The following PHF24 variants were observed in gnomAD, a reference collection of about 807,000 sequenced individuals.
The protein encoded by PHF24 is PHD finger protein 24, also known as Galpha inhibitory interacting protein.
PHF24 carries 25 observed loss-of-function variants against 42.6 expected under a neutral mutation model. The ratio of observed to expected loss-of-function variants is 0.59; its 90% CI spans 0.43 to 0.82. The LOEUF (loss-of-function observed/expected upper bound fraction) is 0.82. Ranked by LOEUF, PHF24 falls within the 40% of genes least tolerant of loss-of-function variation. PHF24 has a pLI of 0.00. For synonymous variants in PHF24, 185 were observed against 204.8 expected (o/e 0.90, Z 0.83); for missense variants, 470 against 538.1 (o/e 0.87, Z 1.25).
At chr9:34,766,019 A>C in the PHF24 span, among the ~76,000 whole-genome samples, 1 of 152,058 alleles carries the variant, frequency 6.6e-6, no homozygotes, top group South Asian at 2.1e-4. Context: ...AAGAATGTTG[A>C]ATATTGGCCC....
upstream of PHF24, among the ~76,000 whole-genome samples, chr9:34,955,535 G>A (rs897097712): frequency 5.3e-5 from 8 of 152,198 alleles, no homozygotes; most frequent in Non-Finnish European, 2.9e-5. Flanking sequence ...AAATTAGCCA[G>A]GTGTGGTGGC....
chr9:34,931,268 C>T, the PHF24 span, among the ~76,000 whole-genome samples: 33 of 148,646 alleles, frequency 2.2e-4, no homozygotes, highest in Admixed American at 7.5e-4. Context: ...CCCAGCTACT[C>T]GGGAGGCTGA....
the PHF24 span, among the ~76,000 whole-genome samples, chr9:34,806,456 T>C: frequency 2.0e-5 from 3 of 152,204 alleles, no homozygotes; most frequent in Non-Finnish European, 4.4e-5. Flanking sequence ...TTTTGGGGTT[T>C]TTTGTGTGTG....
chr9:34,795,995 G>GA, the PHF24 span, among the ~76,000 whole-genome samples: 105 of 142,256 alleles, frequency 7.4e-4, no homozygotes, highest in East Asian at 1.6e-3. Context: ...GTGAGACCCT[G>GA]AAAAAAAAAA....
chr9:34,964,738 TTC>T (rs1491384158), intron 1 of PHF24, among the ~76,000 whole-genome samples: 1 of 152,180 alleles, frequency 6.6e-6, no homozygotes, highest in Non-Finnish European at 1.5e-5. Flanking sequence ...CTAGACATGC[TTC>T]TCTTACCCAA....
chr9:34,915,925 C>T, the PHF24 span, among the ~76,000 whole-genome samples: 2 of 151,882 alleles, frequency 1.3e-5, no homozygotes, highest in African/African-American at 4.8e-5. Context: ...CCCACACCAC[C>T]CCACCACCAA....
At chr9:34,937,486 C>T in the PHF24 span, among the ~76,000 whole-genome samples, 1 of 152,100 alleles carries the variant, frequency 6.6e-6, no homozygotes, top group Non-Finnish European at 1.5e-5. Flanking sequence ...TCCCTAATCT[C>T]AAGTACCCAG....
the PHF24 span, among the ~76,000 whole-genome samples, chr9:34,784,751 C>T: frequency 6.6e-6 from 1 of 152,136 alleles, no homozygotes. Context: ...GTGCAAATAT[C>T]CTCCTTGTAA....
the PHF24 span, among the ~76,000 whole-genome samples, chr9:34,929,399 A>G: frequency 1.3e-5 from 2 of 152,176 alleles, no homozygotes; most frequent in Admixed American, 6.5e-5. Flanking sequence ...TTATTTGCTT[A>G]TGGTCTGTCT....
At chr9:34,974,854 A>T (rs982409131) in intron 3 of PHF24, among the ~76,000 whole-genome samples, 3 of 152,106 alleles carry the variant, frequency 2.0e-5, no homozygotes, top group Non-Finnish European at 4.4e-5. Flanking sequence ...TATCTCTGTG[A>T]ATAGTAATAC....
At chr9:34,835,864 C>G in the PHF24 span, 500,526 of 1,158,584 alleles carry the variant, frequency 0.43, 112,992 homozygotes, top group East Asian at 0.69. Flanking sequence ...AAAGGATACA[C>G]TAGACAGAGA....
At chr9:34,666,032 T>C in the PHF24 span, 1 of 312,624 alleles carries the variant, frequency 3.2e-6, no homozygotes. Context: ...CCTCCCTGGC[T>C]CCACCCCGGA....
At chr9:34,973,717 T>A (rs982545337) in intron 3 of PHF24, among the ~76,000 whole-genome samples, 1 of 152,214 alleles carries the variant, frequency 6.6e-6, no homozygotes, top group Admixed American at 6.5e-5. Flanking sequence ...CCTGTCCCCA[T>A]GGAGTACACT....
At chr9:34,880,630 A>G in the PHF24 span, among the ~76,000 whole-genome samples, 79 of 152,362 alleles carry the variant, frequency 5.2e-4, no homozygotes, top group African/African-American at 1.7e-3. Flanking sequence ...ATAATGGTAA[A>G]GAGATCAGTT....
At chr9:34,794,656 C>T in the PHF24 span, among the ~76,000 whole-genome samples, 1 of 151,978 alleles carries the variant, frequency 6.6e-6, no homozygotes, top group Non-Finnish European at 1.5e-5. Flanking sequence ...AAATTTCAAA[C>T]CAAAAAATGT....
At chr9:34,900,068 G>A in the PHF24 span, among the ~76,000 whole-genome samples, 1 of 152,134 alleles carries the variant, frequency 6.6e-6, no homozygotes, top group African/African-American at 2.4e-5. Flanking sequence ...TTGAATTTCA[G>A]AGGCATTGAC....
At chr9:34,704,498 T>C in the PHF24 span, among the ~76,000 whole-genome samples, 1 of 135,698 alleles carries the variant, frequency 7.4e-6, no homozygotes, top group Non-Finnish European at 1.7e-5. Context: ...TGTGTGTGTG[T>C]ATGTTATCAT....
the PHF24 span, chr9:34,895,475 G>A: frequency 1.3e-5 from 5 of 397,922 alleles, no homozygotes; most frequent in South Asian, 6.8e-4. Flanking sequence ...GTCCAGTGAG[G>A]AGACCCCTTT....
At chr9:34,835,883 C>G in the PHF24 span, 3 of 1,036,964 alleles carry the variant, frequency 2.9e-6, no homozygotes, top group Admixed American at 2.0e-5. Context: ...GACAAGATCT[C>G]TAGGCAAGAG....
Sources: gnomAD v4.1 joint callset for allele counts (sites outside exome capture counted in the v4.1 genomes callset) on GRCh38, gnomAD v4.1.1 for gene constraint, MANE v1.5 for transcripts, NCBI Gene and HGNC (gene_info 2026-07-23, HGNC 2026-07-21) for gene names.